THSD4: variants seen among roughly 807,000 people sequenced by gnomAD.
THSD4 encodes the protein thrombospondin type-1 domain-containing protein 4.
In THSD4, 69 loss-of-function variants were observed where a neutral mutation model predicts 119.0. The observed-to-expected ratio is 0.58, with a 90% CI of 0.48 to 0.71. The LOEUF (loss-of-function observed/expected upper bound fraction) is 0.71. Among genes scored for constraint, THSD4 ranks in the 30% least tolerant of loss-of-function variants. THSD4 has a pLI of 0.00. For missense variants in THSD4, 1,393 were observed against 1,391.1 expected (o/e 1.00, Z -0.02); for synonymous variants, 524 against 540.4 (o/e 0.97, Z 0.42).
intron 7 of THSD4, among the ~76,000 whole-genome samples, chr15:71,643,419 C>T (rs2050904759): frequency 6.6e-6 from 1 of 151,890 alleles, no homozygotes. Flanking sequence ...AGTACGAAGC[C>T]TAGTACCCAA....
chr15:71,573,451 G>A (rs958289885), intron 7 of THSD4, among the ~76,000 whole-genome samples: 11 of 152,154 alleles, frequency 7.2e-5, no homozygotes, highest in Admixed American at 3.3e-4. Context: ...TTGAAAAGGC[G>A]TTTGACTTCA....
rs926119132 is a variant in THSD4, at chr15:71,780,447, G to A, written c.*3073G>A. On this transcript the variant is annotated 3_prime_UTR_variant, in exon 18 of 18. Coordinates refer to ENST00000261862, the MANE Select transcript of THSD4 (RefSeq NM_024817.3). ...TAGGCAAAGGACATTTAGTACTATC[G>A]ATTCTTTCCACCCTCACGATGACTT... The A allele has an allele frequency of 4.3e-5, 10 of 232,952 alleles. No homozygotes were observed. The highest frequency in any genetic ancestry group is 2.0e-4 in the African/African-American group (9 of 45,182). The allele number at this position is 232,952 out of a possible 1,614,324, so 14.4% of individuals were successfully genotyped here.
At chr15:71,303,330 G>C (rs1029957877) in intron 6 of THSD4, among the ~76,000 whole-genome samples, 8 of 152,198 alleles carry the variant, frequency 5.3e-5, no homozygotes, top group East Asian at 1.9e-4. Context: ...GGTCAGGAGG[G>C]GGGCAGTCAG....
intron 8 of THSD4, among the ~76,000 whole-genome samples, chr15:71,699,367 T>C (rs1302480397): frequency 2.2e-5 from 3 of 139,154 alleles, no homozygotes; most frequent in African/African-American, 2.9e-5. Flanking sequence ...CGCCCGCCAC[T>C]ACGCCCGGCT....
At chr15:71,430,471 C>T (rs969698701) in intron 7 of THSD4, among the ~76,000 whole-genome samples, 3 of 152,218 alleles carry the variant, frequency 2.0e-5, no homozygotes, top group Non-Finnish European at 2.9e-5. Flanking sequence ...TTAAAAGCCT[C>T]TCAAGGCTGT....
chr15:71,524,820 G>A (rs1018766425), intron 7 of THSD4, among the ~76,000 whole-genome samples: 2 of 142,552 alleles, frequency 1.4e-5, no homozygotes, highest in East Asian at 2.1e-4. Flanking sequence ...CACCGTATTA[G>A]CCAGGATGAT....
intron 8 of THSD4, among the ~76,000 whole-genome samples, chr15:71,715,005 C>T (rs1290874346): frequency 6.6e-6 from 1 of 152,162 alleles, no homozygotes; most frequent in African/African-American, 2.4e-5. Flanking sequence ...AGATACATAA[C>T]CCTTATAACT....
intron 3 of THSD4, among the ~76,000 whole-genome samples, chr15:71,199,890 GGT>G (rs2043782205): frequency 2.6e-5 from 1 of 39,104 alleles, no homozygotes; most frequent in Non-Finnish European, 1.2e-4. Flanking sequence ...GTGCATGTGT[GGT>G]ATGTGTGTGT....
intron 8 of THSD4, among the ~76,000 whole-genome samples, chr15:71,695,978 A>G (rs142292811): frequency 2.4e-3 from 369 of 152,360 alleles, no homozygotes; most frequent in African/African-American, 8.3e-3. Flanking sequence ...TGTGATAACT[A>G]AATGAGTTAA....
intron 7 of THSD4, among the ~76,000 whole-genome samples, chr15:71,546,951 G>A (rs72737243): frequency 1.3e-3 from 199 of 152,304 alleles, no homozygotes; most frequent in Non-Finnish European, 2.6e-3. Context: ...GGACTAGGAA[G>A]GCCCTGGCTC....
At chr15:71,565,240 G>A (rs1409731019) in intron 7 of THSD4, among the ~76,000 whole-genome samples, 1 of 152,346 alleles carries the variant, frequency 6.6e-6, no homozygotes, top group Non-Finnish European at 1.5e-5. Flanking sequence ...TAGAATGGCA[G>A]GATGCTCAGC....
intron 4 of THSD4, among the ~76,000 whole-genome samples, chr15:71,229,217 A>G (rs2044042248): frequency 6.6e-6 from 1 of 152,214 alleles, no homozygotes; most frequent in African/African-American, 2.4e-5. Flanking sequence ...CAGTTTCCTC[A>G]TCTATAAAAT....
rs530223214 is a variant in THSD4, at chr15:71,344,321, G to A, written c.1016-67366G>A. Among the ~76,000 whole-genome samples the A allele has an allele frequency of 3.5e-3, 531 of 152,214 alleles. 1 individual carries two copies. Among genetic ancestry groups the A allele is most frequent in the Middle Eastern group, 0.034 (10 of 294 alleles). The stretch of plus-strand genomic sequence containing the variant: ...GCCCCCCAAAGTACTGGGATTACAG[G>A]CGTGAGCCACTGTGCCCAGCCCAGC... On this transcript the variant is annotated intron_variant, in intron 6 of 17. Transcript: ENST00000261862.
chr15:71,453,001 T>G (rs988526981), intron 7 of THSD4, among the ~76,000 whole-genome samples: 1 of 152,138 alleles, frequency 6.6e-6, no homozygotes, highest in African/African-American at 2.4e-5. Flanking sequence ...ACCAGAAAGT[T>G]TATCTCTGTC....
chr15:71,124,699 A>G (rs2920261), intron 1 of THSD4, among the ~76,000 whole-genome samples: 10,841 of 152,240 alleles, frequency 0.071, 1,262 homozygotes, highest in African/African-American at 0.24. Context: ...AAATTTTGGT[A>G]CCCAATAACC....
rs72267245 is a variant in THSD4, at chr15:71,762,150, AACACACACACACAC to A, written c.2590-2854_2590-2841del. Among the ~76,000 whole-genome samples, 5 of 112,308 alleles carry A rather than the reference AACACACACACACAC, an allele frequency of 4.5e-5. No individual in the cohort carries two copies. The East Asian group carries it at 8.8e-4, about 20-fold the overall frequency. The allele number at this position is 112,308 out of a possible 152,430, so 73.7% of individuals were successfully genotyped here. ...AAATGCTGTCTCATGCGCGTGTGCA[AACACACACACACAC>A]ACACACACACACACAGAGATAGAGA... is the stretch of plus-strand genomic sequence containing the variant. On this transcript the variant is annotated intron_variant, in intron 15 of 17. Transcript: ENST00000261862.
chr15:71,206,212 A>G (rs747631060), intron 3 of THSD4, among the ~76,000 whole-genome samples: 1 of 152,098 alleles, frequency 6.6e-6, no homozygotes, highest in Non-Finnish European at 1.5e-5. Flanking sequence ...GGGTTTCACC[A>G]CGTTGGCCAG....
At chr15:71,349,629 T>A (rs1196689432) in intron 6 of THSD4, among the ~76,000 whole-genome samples, 2 of 152,234 alleles carry the variant, frequency 1.3e-5, no homozygotes, top group African/African-American at 4.8e-5. Flanking sequence ...CTTCACTGGA[T>A]GGCACTCTCA....
chr15:71,269,131 G>A (rs572639056), intron 6 of THSD4, among the ~76,000 whole-genome samples: 1 of 152,150 alleles, frequency 6.6e-6, no homozygotes, highest in Non-Finnish European at 1.5e-5. Flanking sequence ...TCAAAACCTG[G>A]CAGAGACACA....
Sources: gnomAD v4.1 joint callset for allele counts (sites outside exome capture counted in the v4.1 genomes callset) on GRCh38, gnomAD v4.1.1 for gene constraint, MANE v1.5 for transcripts, NCBI Gene and HGNC (gene_info 2026-07-23, HGNC 2026-07-21) for gene names.